The following CTNNA3 variants were observed in gnomAD, a reference collection of about 807,000 sequenced individuals.
CTNNA3 encodes catenin alpha 3.
Under a neutral mutation model 95.7 loss-of-function variants are expected in CTNNA3, and 76 were observed. That is an observed-to-expected ratio of 0.79 (90% CI 0.66 to 0.96). The LOEUF (loss-of-function observed/expected upper bound fraction) is 0.96. Among genes scored for constraint, CTNNA3 ranks in the 40% least tolerant of loss-of-function variants. The pLI is 0.00. For synonymous variants in CTNNA3, 431 were observed against 374.4 expected (o/e 1.15, Z -1.74); for missense variants, 1,191 against 1,089.8 (o/e 1.09, Z -1.31).
intron 7 of CTNNA3, among the ~76,000 whole-genome samples, chr10:67,144,584 A>T (rs568383593): frequency 1.3e-5 from 2 of 152,250 alleles, no homozygotes; most frequent in East Asian, 3.9e-4. Context: ...CTACACTTTT[A>T]TGTTATAGAG....
chr10:67,103,555 A>G (rs1369717397), intron 7 of CTNNA3, among the ~76,000 whole-genome samples: 6 of 151,784 alleles, frequency 4.0e-5, no homozygotes, highest in Non-Finnish European at 5.9e-5. Context: ...GGAAAGAAGT[A>G]TAACCACTAT....
chr10:66,254,982 T>C (rs972230257), intron 13 of CTNNA3, among the ~76,000 whole-genome samples: 3 of 152,212 alleles, frequency 2.0e-5, no homozygotes, highest in South Asian at 2.1e-4. Context: ...GCAAATTTAC[T>C]ATTGCCCCCT....
intron 7 of CTNNA3, among the ~76,000 whole-genome samples, chr10:66,781,628 C>T (rs947229064): frequency 6.6e-6 from 1 of 151,984 alleles, no homozygotes; most frequent in African/African-American, 2.4e-5. Flanking sequence ...AAAAATTAAC[C>T]ATATAAGAAT....
chr10:66,023,872 T>A (rs139327463), intron 15 of CTNNA3, among the ~76,000 whole-genome samples: 1 of 152,268 alleles, frequency 6.6e-6, no homozygotes, highest in East Asian at 1.9e-4. Context: ...GAAAAAAAAT[T>A]ACAAGCTTTT....
intron 9 of CTNNA3, among the ~76,000 whole-genome samples, chr10:66,685,628 T>C (rs1847270093): frequency 6.6e-6 from 1 of 151,472 alleles, no homozygotes; most frequent in Middle Eastern, 3.4e-3. Flanking sequence ...CACCTCGGCC[T>C]CCCAAAGTGC....
At chr10:66,434,587 GCAAA>G (rs1424886312) in intron 11 of CTNNA3, among the ~76,000 whole-genome samples, 1 of 152,116 alleles carries the variant, frequency 6.6e-6, no homozygotes, top group African/African-American at 2.4e-5. Flanking sequence ...CATGTCATCT[GCAAA>G]CAGAGACAAT....
rs563258479 is a variant in CTNNA3, at chr10:66,622,677, C to A, written c.1282-893G>T. ...TTTACTTTATCTAACAGTAATTTTT[C>A]TAACTTTTAAAATATCTCTGTCAGT... On this transcript the variant is annotated intron_variant, in intron 9 of 17. Transcript: ENST00000433211. Among the ~76,000 whole-genome samples the A allele has an allele frequency of 2.0e-5, 3 of 152,142 alleles. No individual in the cohort carries two copies. In the East Asian group the frequency reaches 5.8e-4, roughly 29 times the overall value.
intron 11 of CTNNA3, among the ~76,000 whole-genome samples, chr10:66,476,613 TTTTTATTTTTAATATGTATTA>T (rs1471189174): frequency 6.6e-6 from 1 of 152,128 alleles, no homozygotes; most frequent in Non-Finnish European, 1.5e-5. Context: ...AACTATTTAC[TTTTTATTTTTAATATGTATTA>T]TTTTATAACA....
intron 1 of CTNNA3, among the ~76,000 whole-genome samples, chr10:67,710,688 T>C (rs917317409): frequency 2.6e-5 from 4 of 152,194 alleles, no homozygotes; most frequent in African/African-American, 7.2e-5. Flanking sequence ...ACAGTTACTG[T>C]TGTAAACCAT....
intron 10 of CTNNA3, among the ~76,000 whole-genome samples, chr10:66,529,552 C>T (rs1342398456): frequency 2.6e-5 from 4 of 151,592 alleles, no homozygotes; most frequent in Admixed American, 1.3e-4. Context: ...GACTTCTTTC[C>T]CTTCACCTTC....
At chr10:66,556,632 A>G (rs1485850968) in intron 10 of CTNNA3, among the ~76,000 whole-genome samples, 1 of 152,066 alleles carries the variant, frequency 6.6e-6, no homozygotes, top group Non-Finnish European at 1.5e-5. Context: ...ACAGAAAGCA[A>G]AATACTGCAT....
intron 7 of CTNNA3, among the ~76,000 whole-genome samples, chr10:67,020,903 A>T (rs1045091873): frequency 1.4e-4 from 22 of 152,160 alleles, no homozygotes; most frequent in Non-Finnish European, 4.4e-5. Flanking sequence ...CAGGAATAAG[A>T]GTATGACATT....
At chr10:66,041,620 C>G (rs2079690020) in intron 15 of CTNNA3, among the ~76,000 whole-genome samples, 1 of 152,192 alleles carries the variant, frequency 6.6e-6, no homozygotes. Flanking sequence ...GCTGTGTTCT[C>G]TCTCTTCGAT....
intron 10 of CTNNA3, among the ~76,000 whole-genome samples, chr10:66,588,671 A>G (rs1346045335): frequency 2.0e-5 from 3 of 152,026 alleles, no homozygotes; most frequent in Non-Finnish European, 4.4e-5. Flanking sequence ...TTATCCCATC[A>G]CTCTCATAAT....
At chr10:66,803,227 G>A (rs1236404126) in intron 7 of CTNNA3, among the ~76,000 whole-genome samples, 1 of 151,950 alleles carries the variant, frequency 6.6e-6, no homozygotes, top group Non-Finnish European at 1.5e-5. Context: ...TTCTGGATTT[G>A]TGTCTCTTTT....
At chr10:66,322,289 G>A (rs2092199117) in intron 12 of CTNNA3, among the ~76,000 whole-genome samples, 1 of 152,094 alleles carries the variant, frequency 6.6e-6, no homozygotes, top group African/African-American at 2.4e-5. Flanking sequence ...CTCTTTTCAG[G>A]CACTGGAAAA....
At chr10:66,462,861 TA>T (rs1227180827) in intron 11 of CTNNA3, among the ~76,000 whole-genome samples, 2 of 152,156 alleles carry the variant, frequency 1.3e-5, no homozygotes, top group African/African-American at 2.4e-5. Context: ...ATTTAAGTGA[TA>T]TTTTTTAACT....
chr10:67,753,383 A>G (rs1366824563), intron 1 of CTNNA3, among the ~76,000 whole-genome samples: 2 of 152,212 alleles, frequency 1.3e-5, no homozygotes, highest in African/African-American at 4.8e-5. Context: ...AAAAAAATCT[A>G]GGCAACACCA....
chr10:67,051,801 C>A (rs1402208526), intron 7 of CTNNA3, among the ~76,000 whole-genome samples: 1 of 151,068 alleles, frequency 6.6e-6, no homozygotes, highest in Non-Finnish European at 1.5e-5. Context: ...CTCTCCCAGG[C>A]TGGAGTGCAG....
Sources: allele counts gnomAD v4.1 joint callset (sites outside exome capture counted in the v4.1 genomes callset), GRCh38; gene constraint gnomAD v4.1.1; transcripts MANE v1.5; gene names NCBI Gene and HGNC (gene_info 2026-07-23, HGNC 2026-07-21).